The following CUX1 variants were observed in gnomAD, a reference collection of about 807,000 sequenced individuals.
The protein encoded by CUX1 is cut like homeobox 1, also known as protein CASP.
In CUX1, 31 loss-of-function variants were observed where a neutral mutation model predicts 158.8. The observed-to-expected ratio is 0.20, with a 90% CI of 0.15 to 0.26. The LOEUF (loss-of-function observed/expected upper bound fraction) is 0.26, where lower values mean the gene tolerates loss of function less well. CUX1 is among the 10% of genes least tolerant of loss of function. The pLI is 1.00. For synonymous variants in CUX1, 879 were observed against 862.1 expected, an observed-to-expected ratio of 1.02 and a Z score of -0.34; for missense variants, 1,589 against 2,014.6, an observed-to-expected ratio of 0.79 and a Z score of 4.04.
chr7:102,248,775 C>A lies in CUX1; in HGVS notation c.4251C>A (p.Pro1417=). ...SATATAAPAA[P]EDAATSAAAA... is the part of the protein sequence containing the mutation. Reference sequence around the variant, plus strand: ...CCGCCACCGCCGCGCCCGCGGCCCCCGAGGACGCCGCTACCTCAGCCGCCG... The same window carrying A: ...CCGCCACCGCCGCGCCCGCGGCCCCAGAGGACGCCGCTACCTCAGCCGCCG... Residue 1417 remains proline, a synonymous_variant, in exon 24 of 24, where the codon CCC becomes CCA. Transcript: ENST00000292535. This position sits in a 1 kb window ranked among gnomAD's most constrained non-coding sequence, Gnocchi z 5.8. 1 of 1,044,416 alleles carries A rather than the reference C, an allele frequency of 9.6e-7. No individual in the cohort carries two copies. Among genetic ancestry groups the A allele is most frequent in the Non-Finnish European group, 1.2e-6 (1 of 867,554 alleles). The allele number at this position is 1,044,416 out of a possible 1,614,324, so 64.7% of individuals were successfully genotyped here. A position where few individuals can be genotyped will look rare whatever the true frequency, so the allele number is the denominator to read the frequency against.
rs1213956069 is a variant in CUX1 at position 102,251,077 on chromosome 7, G to C, written c.*2035G>C. Reference sequence around the variant, plus strand: ...AGAGGGATAGACTGCCGGCAGTATTGGGTATAATTTACAAGATGTAGTTGT... The same window carrying C: ...AGAGGGATAGACTGCCGGCAGTATTCGGTATAATTTACAAGATGTAGTTGT... On this transcript the variant is annotated 3_prime_UTR_variant, in exon 24 of 24. Transcript: ENST00000292535. 7.1e-6 allele frequency: 7 copies of C among 985,070 alleles called. No homozygotes were observed. The African/African-American group carries it at 1.0e-4, about 15-fold the overall frequency. 61.0% of individuals were successfully genotyped at this position (985,070 alleles called of 1,614,324 possible). A position where few individuals can be genotyped will look rare whatever the true frequency, so the allele number is the denominator to read the frequency against.
chr7:102,178,184 G>C (rs1792604686), intron 10 of CUX1, among the ~76,000 whole-genome samples: 1 of 152,230 alleles, frequency 6.6e-6, no homozygotes, highest in African/African-American at 2.4e-5. Flanking sequence ...TTACAGGCGT[G>C]AGCCATTGCA....
At chr7:102,130,777 A>G (rs1833126525) in intron 8 of CUX1, among the ~76,000 whole-genome samples, 2 of 152,098 alleles carry the variant, frequency 1.3e-5, no homozygotes, top group African/African-American at 4.8e-5. Context: ...AATAGCCTAT[A>G]TTTTGACCTT....
At chr7:102,277,073 G>A (rs1219150320) in intron 17 of CUX1, among the ~76,000 whole-genome samples, 1 of 152,196 alleles carries the variant, frequency 6.6e-6, no homozygotes. Context: ...GCCGAAGTGG[G>A]AAGATTGCTT....
At chr7:102,132,562 C>T (rs1409612618) in intron 8 of CUX1, among the ~76,000 whole-genome samples, 5 of 151,926 alleles carry the variant, frequency 3.3e-5, no homozygotes, top group Non-Finnish European at 7.4e-5. Flanking sequence ...TATTTCGTCA[C>T]TCCTTTGTGA....
intron 3 of CUX1, among the ~76,000 whole-genome samples, chr7:102,030,691 G>T (rs865983039): frequency 6.5e-4 from 77 of 119,366 alleles, no homozygotes; most frequent in East Asian, 1.4e-3. Context: ...TTTAAAAAGT[G>T]TTTTTTTTTT....
chr7:101,984,089 A>AAAAAAAAT (rs1221503978), intron 2 of CUX1, among the ~76,000 whole-genome samples: 1 of 29,844 alleles, frequency 3.4e-5, no homozygotes, highest in Non-Finnish European at 7.0e-5. Context: ...AAAAAAAAAA[A>AAAAAAAAT]ATATATATAT....
In CUX1 at chr7:102,249,158, C is replaced by G; in HGVS notation, c.*116C>G. On this transcript the variant is annotated 3_prime_UTR_variant, in exon 24 of 24. Coordinates refer to ENST00000292535, the MANE Select transcript of CUX1 (RefSeq NM_181552.4). ...GGCTTGGCCCGCGGCCTGCACCGAC[C>G]CCGGGCCGGACCTGAGCCCGCAGCC... is the stretch of plus-strand genomic sequence containing the variant. 8.7e-7 allele frequency: 1 copy of G among 1,149,240 alleles called. No homozygotes were observed. 71.2% of individuals were successfully genotyped at this position (1,149,240 alleles called of 1,614,324 possible).
Position 101,850,864 on chromosome 7 carries a change from C to T in CUX1, c.30+33195C>T, listed in dbSNP as rs556336705. Among the ~76,000 whole-genome samples the T allele has an allele frequency of 2.1e-4, 32 of 152,150 alleles. No homozygotes were observed. The South Asian group carries it at 5.8e-3, about 28-fold the overall frequency. Reference sequence around the variant, plus strand: ...CTGTAATTCCAGTGCTTTGGAAGGCCGAGACAAAAGGATCACCGGAGGCCA... The same window carrying T: ...CTGTAATTCCAGTGCTTTGGAAGGCTGAGACAAAAGGATCACCGGAGGCCA... On this transcript the variant is annotated intron_variant, in intron 1 of 23. Coordinates refer to ENST00000292535, the MANE Select transcript of CUX1 (RefSeq NM_181552.4).
chr7:102,186,830 C>T (rs1793677971), intron 11 of CUX1: 1 of 152,084 alleles, frequency 6.6e-6, no homozygotes, highest in Admixed American at 6.6e-5. Context: ...GTTAGGAGTT[C>T]GAGACCAGCC....
At chr7:102,017,261 G>A (rs1275234364) in intron 2 of CUX1, among the ~76,000 whole-genome samples, 40 of 145,450 alleles carry the variant, frequency 2.8e-4, no homozygotes, top group Middle Eastern at 3.6e-3. Flanking sequence ...ACTGCACTCC[G>A]GCCTGGGGGA....
chr7:102,204,505 G>A lies in CUX1; in HGVS notation c.3022G>A (p.Gly1008Ser), dbSNP rs192709528. ...CATCCGGATGCAGCTCTGGCTGAAC[G>A]GCGAGCTAGGCCAGGGTGTTCTACC... ...PFIRMQLWLN[G>S]ELGQGVLPVQ... Residue 1008 changes from glycine (G) to serine (S), a missense_variant, in exon 19 of 24, where the codon GGC becomes AGC. Physicochemically the swap from Gly to Ser is moderately conservative, Grantham distance 56. Around this residue, in one of 8 missense-constraint regions of CUX1, gnomAD observed 259 missense variants for 373.8 expected, o/e 0.69. Coordinates refer to ENST00000292535, the MANE Select transcript of CUX1 (RefSeq NM_181552.4). 1.5e-5 allele frequency: 25 copies of A among 1,613,734 alleles called. No homozygotes were observed. The African/African-American group carries it at 2.8e-4, about 18-fold the overall frequency.
intron 14 of CUX1, among the ~76,000 whole-genome samples, chr7:102,271,387 T>C (rs1229057888): frequency 6.6e-6 from 1 of 152,154 alleles, no homozygotes; most frequent in Non-Finnish European, 1.5e-5. Flanking sequence ...AAGGCCCCAT[T>C]AGCTTTCTGG....
In CUX1 at chr7:102,104,365, A is replaced by G. The variant is rs1554487690; in HGVS notation, c.436A>G (p.Ile146Val). The change falls in exon 6 of 24, where the codon ATC becomes GTC. Residue 146 changes from isoleucine (I) to valine (V), a missense_variant. Ile to Val is a conservative substitution (Grantham distance 29). Transcript: ENST00000292535. ...EVTIKALKEKIREYEQTLKNQ... is the reference protein window; with the variant it reads ...EVTIKALKEKVREYEQTLKNQ... ...TACGATAAAAGCACTTAAAGAGAAA[A>G]TCCGAGAATATGAACAGACACTGAA... The G allele has an allele frequency of 1.2e-6, 2 of 1,610,654 alleles. No homozygotes were observed.
chr7:101,924,517 C>T (rs967432859), intron 2 of CUX1, among the ~76,000 whole-genome samples: 9 of 151,332 alleles, frequency 5.9e-5, no homozygotes, highest in Non-Finnish European at 1.3e-4. Context: ...TTGGCATTGA[C>T]GTGAGGATTT....
upstream of CUX1, chr7:101,817,484 G>A (rs1052864975): frequency 2.1e-5 from 23 of 1,098,338 alleles, no homozygotes; most frequent in African/African-American, 2.3e-4. This position sits in a 1 kb window ranked among gnomAD's most constrained non-coding sequence, Gnocchi z 4.1. Context: ...CCGTGCCGGG[G>A]CTCCCCGGCC....
chr7:102,123,551 G>A (rs1832288759), intron 8 of CUX1, among the ~76,000 whole-genome samples: 3 of 149,924 alleles, frequency 2.0e-5, no homozygotes, highest in African/African-American at 7.4e-5. Flanking sequence ...AGAGCTTGCA[G>A]TGAGCCGAGA....
At chr7:101,908,903 G>A (rs189529518) in intron 1 of CUX1, among the ~76,000 whole-genome samples, 140 of 152,286 alleles carry the variant, frequency 9.2e-4, no homozygotes, top group Admixed American at 1.4e-3. Context: ...AGCCACACAG[G>A]TTACAATGGG....
chr7:102,036,969 TCC>T (rs1348453550), intron 3 of CUX1, among the ~76,000 whole-genome samples: 3 of 152,176 alleles, frequency 2.0e-5, no homozygotes, highest in African/African-American at 4.8e-5. Flanking sequence ...AGCAAGCAGT[TCC>T]CTTGAGCCCT....
Sources: gnomAD v4.1 joint callset for allele counts (sites outside exome capture counted in the v4.1 genomes callset) on GRCh38, gnomAD v4.1.1 for gene constraint, gnomAD v4.1.1 regional missense constraint, Gnocchi (gnomAD v3.1) non-coding constraint, MANE v1.5 for transcripts, NCBI Gene and HGNC (gene_info 2026-07-23, HGNC 2026-07-21) for gene names.